The following PDE8B variants were observed in gnomAD, a reference collection of about 807,000 sequenced individuals.
PDE8B encodes high affinity cAMP-specific and IBMX-insensitive 3',5'-cyclic phosphodiesterase 8B.
A neutral mutation model predicts 101.3 loss-of-function variants in PDE8B; 26 were observed. The ratio of observed to expected loss-of-function variants is 0.26; its 90% CI spans 0.19 to 0.36. The LOEUF (loss-of-function observed/expected upper bound fraction) is 0.36. Among genes scored for constraint, PDE8B ranks in the 10% least tolerant of loss-of-function variants. PDE8B has a pLI of 1.00. For missense variants in PDE8B, 810 were observed against 1,163.1 expected, an observed-to-expected ratio of 0.70 and a Z score of 4.42; for synonymous variants, 424 against 429.3, an observed-to-expected ratio of 0.99 and a Z score of 0.15.
At chr5:77,317,282 A>G (rs926802562) in intron 2 of PDE8B, among the ~76,000 whole-genome samples, 4 of 152,236 alleles carry the variant, frequency 2.6e-5, no homozygotes, top group African/African-American at 9.6e-5. Context: ...TCCTTGAAGA[A>G]AACTATTCTG....
the PDE8B span, among the ~76,000 whole-genome samples, chr5:77,102,707 G>A: frequency 2.0e-5 from 3 of 152,150 alleles, no homozygotes; most frequent in Non-Finnish European, 2.9e-5. Context: ...GCACCAGGTT[G>A]GTGGCTGGGG....
At chr5:77,252,994 A>G (rs919759825) in intron 1 of PDE8B, among the ~76,000 whole-genome samples, 6 of 152,192 alleles carry the variant, frequency 3.9e-5, no homozygotes, top group African/African-American at 1.2e-4. Flanking sequence ...GAGGGCAAAT[A>G]TCATTTAAGT....
the PDE8B span, among the ~76,000 whole-genome samples, chr5:77,138,081 T>G: frequency 6.6e-6 from 1 of 152,242 alleles, no homozygotes; most frequent in Non-Finnish European, 1.5e-5. Flanking sequence ...GGACTTCCCA[T>G]GATAATAGTG....
chr5:77,246,325 G>A (rs1455753293), intron 1 of PDE8B, among the ~76,000 whole-genome samples: 41 of 152,318 alleles, frequency 2.7e-4, no homozygotes. Context: ...CAGGTCCCAG[G>A]ACAGTTAGGT....
At chr5:77,176,918 C>T in the PDE8B span, among the ~76,000 whole-genome samples, 1 of 152,178 alleles carries the variant, frequency 6.6e-6, no homozygotes, top group South Asian at 2.1e-4. Flanking sequence ...TTTAGATACC[C>T]CAGCCCCACC....
intron 1 of PDE8B, among the ~76,000 whole-genome samples, chr5:77,240,608 C>T (rs916962483): frequency 6.6e-6 from 1 of 152,232 alleles, no homozygotes; most frequent in African/African-American, 2.4e-5. Flanking sequence ...TCTTCTCCAT[C>T]ACTAGGGCTA....
In PDE8B at chr5:77,351,229, C is replaced by T; in HGVS notation, c.1106+76C>T. 4.8e-6 allele frequency: 5 copies of T among 1,036,514 alleles called. No individual in the cohort carries two copies. The South Asian group carries it at 6.5e-5, about 13-fold the overall frequency. 64.2% of individuals were successfully genotyped at this position (1,036,514 alleles called of 1,614,324 possible). On this transcript the variant is annotated intron_variant, in intron 9 of 21. Coordinates refer to ENST00000264917, the MANE Select transcript of PDE8B (RefSeq NM_003719.5). ...CTCATGGGCATTGGGCTTGAAATGCCAGTATGAGCCTTACATCCACAAATG... is the reference window on the plus strand; with the variant it reads ...CTCATGGGCATTGGGCTTGAAATGCTAGTATGAGCCTTACATCCACAAATG...
At chr5:77,197,152 G>A in the PDE8B span, among the ~76,000 whole-genome samples, 1 of 118,088 alleles carries the variant, frequency 8.5e-6, no homozygotes, top group Non-Finnish European at 1.7e-5. Context: ...TCACTCTGTT[G>A]CCCAGGCTGG....
chr5:77,387,714 G>T (rs559712250), intron 10 of PDE8B, among the ~76,000 whole-genome samples: 1 of 152,274 alleles, frequency 6.6e-6, no homozygotes, highest in East Asian at 1.9e-4. Flanking sequence ...AGGTACACCA[G>T]TCAAATGTAG....
chr5:77,290,975 T>C, intron 1 of PDE8B: 1 of 1,611,822 alleles, frequency 6.2e-7, no homozygotes, highest in Non-Finnish European at 8.5e-7. Flanking sequence ...TGGCCAAAGA[T>C]GAACGAGTGA....
intron 10 of PDE8B, among the ~76,000 whole-genome samples, chr5:77,385,351 A>T (rs1788327864): frequency 6.7e-6 from 1 of 150,330 alleles, no homozygotes. Context: ...CATCTATTTG[A>T]TTCTTCTCTC....
intron 1 of PDE8B, among the ~76,000 whole-genome samples, chr5:77,241,180 T>C (rs965909892): frequency 1.3e-5 from 2 of 152,250 alleles, no homozygotes; most frequent in African/African-American, 2.4e-5. Context: ...ATACACTTAC[T>C]GTCAGTTCAG....
the PDE8B span, among the ~76,000 whole-genome samples, chr5:77,162,044 A>G: frequency 1.3e-5 from 2 of 152,062 alleles, no homozygotes; most frequent in South Asian, 4.1e-4. Flanking sequence ...AAAAATAAAT[A>G]AATAAACTCT....
At chr5:77,209,128 A>C (rs1437221766), upstream of PDE8B, among the ~76,000 whole-genome samples, 1 of 152,212 alleles carries the variant, frequency 6.6e-6, no homozygotes, top group Non-Finnish European at 1.5e-5. Flanking sequence ...CTGTCCATTA[A>C]AAAATACAGC....
intron 3 of PDE8B, among the ~76,000 whole-genome samples, chr5:77,327,876 C>T (rs78947288): frequency 6.6e-6 from 1 of 152,160 alleles, no homozygotes; most frequent in South Asian, 2.1e-4. Flanking sequence ...GCCTTCCCCC[C>T]ACACAGTGTG....
At chr5:77,282,925 C>A (rs1481120177) in intron 1 of PDE8B, among the ~76,000 whole-genome samples, 1 of 151,888 alleles carries the variant, frequency 6.6e-6, no homozygotes, top group Non-Finnish European at 1.5e-5. Flanking sequence ...CCTGTGCTGA[C>A]CTCGGGGAGC....
chr5:77,409,912 C>A (rs941535518), intron 14 of PDE8B, among the ~76,000 whole-genome samples: 5 of 152,252 alleles, frequency 3.3e-5, no homozygotes, highest in Non-Finnish European at 5.9e-5. Context: ...TTCTTTCTTG[C>A]CCCTGGGCTG....
At chr5:77,349,963 T>C (rs1780787302) in intron 8 of PDE8B, among the ~76,000 whole-genome samples, 1 of 152,206 alleles carries the variant, frequency 6.6e-6, no homozygotes, top group South Asian at 2.1e-4. Context: ...GTTTTCCTTT[T>C]CTGTTCTCTG....
intron 6 of PDE8B, among the ~76,000 whole-genome samples, chr5:77,341,969 A>G (rs937201337): frequency 1.3e-5 from 2 of 152,188 alleles, no homozygotes; most frequent in Non-Finnish European, 2.9e-5. Context: ...AACCCGTATC[A>G]TGATTACTTG....
Sources: allele counts gnomAD v4.1 joint callset (sites outside exome capture counted in the v4.1 genomes callset), GRCh38; gene constraint gnomAD v4.1.1; transcripts MANE v1.5; gene names NCBI Gene and HGNC (gene_info 2026-07-23, HGNC 2026-07-21).